SPTBN1: variants seen among roughly 807,000 people sequenced by gnomAD.
The protein encoded by SPTBN1 is spectrin beta, non-erythrocytic 1, also known as spectrin beta chain, non-erythrocytic 1.
In SPTBN1, 32 loss-of-function variants were observed where a neutral mutation model predicts 266.4. The observed-to-expected ratio is 0.12, with a 90% confidence interval of 0.09 to 0.16. The LOEUF is 0.16. SPTBN1 is among the 10% of genes least tolerant of loss of function. The pLI is 1.00. For missense variants in SPTBN1, 2,296 were observed against 3,067.1 expected (o/e 0.75, Z 5.94); for synonymous variants, 1,336 against 1,162.2 (o/e 1.15, Z -3.04).
At chr2:54,522,697 G>GAGAAAGAGAA (rs1553439439) in intron 1 of SPTBN1, among the ~76,000 whole-genome samples, 12 of 97,322 alleles carry the variant, frequency 1.2e-4, no homozygotes, top group East Asian at 2.8e-4. Context: ...GAGAGAGAGA[G>GAGAAAGAGAA]AGAAAGAAAG....
At chr2:54,641,952 G>A (rs1042763447) in intron 18 of SPTBN1, among the ~76,000 whole-genome samples, 1 of 152,206 alleles carries the variant, frequency 6.6e-6, no homozygotes, top group Non-Finnish European at 1.5e-5. Flanking sequence ...GTGCCAATTT[G>A]TTGTGACAAT....
chr2:54,467,095 A>G (rs1322177267), intron 1 of SPTBN1, among the ~76,000 whole-genome samples: 2 of 151,838 alleles, frequency 1.3e-5, no homozygotes, highest in Non-Finnish European at 2.9e-5. Context: ...GTTTCCCTAC[A>G]GTACTCTTGG....
intron 3 of SPTBN1, among the ~76,000 whole-genome samples, chr2:54,606,562 A>G (rs1423763618): frequency 6.6e-6 from 1 of 152,186 alleles, no homozygotes; most frequent in Admixed American, 6.5e-5. Flanking sequence ...CTCAAATTTG[A>G]ACAGTTTTGA....
intron 1 of SPTBN1, among the ~76,000 whole-genome samples, chr2:54,501,242 A>G (rs1055330563): frequency 2.0e-5 from 3 of 152,082 alleles, no homozygotes; most frequent in Admixed American, 6.5e-5. Context: ...CTTATCCCAC[A>G]TGAGCTACCA....
chr2:54,660,016 A>C lies in SPTBN1; in HGVS notation c.6420+17A>C, dbSNP rs749540389. ...TCTCCACGGGTTAGTTACCGCTCTCAAACCTACCAAAACTACAAAAACTTT... is the reference window on the plus strand; with the variant it reads ...TCTCCACGGGTTAGTTACCGCTCTCCAACCTACCAAAACTACAAAAACTTT... On this transcript the variant is annotated intron_variant, in intron 32 of 35. Coordinates refer to ENST00000356805, the MANE Select transcript of SPTBN1 (RefSeq NM_003128.3). The C allele has an allele frequency of 2.0e-5, 32 of 1,614,114 alleles. No homozygotes were observed. Among genetic ancestry groups the C allele is most frequent in the African/African-American group, 4.0e-5 (3 of 74,932 alleles).
intron 20 of SPTBN1, 54 bp downstream of exon 20, chr2:54,644,640 T>C: frequency 6.5e-7 from 1 of 1,537,656 alleles, no homozygotes; most frequent in South Asian, 1.3e-5. Context: ...ACAGCCATAG[T>C]CCTTAGAGTC....
chr2:54,459,781 T>C (rs755295723), intron 1 of SPTBN1, among the ~76,000 whole-genome samples: 21 of 152,196 alleles, frequency 1.4e-4, no homozygotes, highest in Non-Finnish European at 2.5e-4. Flanking sequence ...GAGTGAACTT[T>C]GTAGGTCTGT....
chr2:54,486,096 TG>T (rs767941061), intron 1 of SPTBN1, among the ~76,000 whole-genome samples: 2,184 of 126,060 alleles, frequency 0.017, 21 homozygotes, highest in Non-Finnish European at 0.026. Flanking sequence ...GGGAGGGAGG[TG>T]GGGGGGTCAG....
chr2:54,605,891 A>G (rs1344875166), intron 3 of SPTBN1, among the ~76,000 whole-genome samples: 1 of 152,140 alleles, frequency 6.6e-6, no homozygotes, highest in African/African-American at 2.4e-5. Context: ...CCCTTAGTTC[A>G]TCTGGCACAG....
chr2:54,664,602 C>A lies in SPTBN1; in HGVS notation c.6570C>A (p.Ala2190=). 1 of 1,614,188 alleles carries A rather than the reference C, an allele frequency of 6.2e-7. No individual in the cohort carries two copies. Among genetic ancestry groups the A allele is most frequent in the Non-Finnish European group, 8.5e-7 (1 of 1,180,042 alleles). Residue 2190 remains alanine (A), a synonymous_variant, in exon 33 of 36, where the codon GCC becomes GCA. Coordinates refer to ENST00000356805, the MANE Select transcript of SPTBN1 (RefSeq NM_003128.3). The surrounding 1 kb of genome is among the most constrained non-coding windows in gnomAD (Gnocchi z 5.6). ...LPAQSAATLP[A]RTQETPSAQM... Reference sequence around the variant, plus strand: ...CCCAGAGTGCCGCCACCTTACCAGCCAGAACCCAGGAGACACCTTCGGCCC... The same window carrying A: ...CCCAGAGTGCCGCCACCTTACCAGCAAGAACCCAGGAGACACCTTCGGCCC...
At chr2:54,475,066 C>T (rs1054328914) in intron 1 of SPTBN1, among the ~76,000 whole-genome samples, 3 of 152,000 alleles carry the variant, frequency 2.0e-5, no homozygotes, top group South Asian at 4.2e-4. Flanking sequence ...ATTAGCCGGG[C>T]GTGGTGGCAC....
intron 5 of SPTBN1, among the ~76,000 whole-genome samples, chr2:54,617,097 T>C (rs1016019147): frequency 1.3e-5 from 2 of 152,240 alleles, no homozygotes; most frequent in East Asian, 1.9e-4. Flanking sequence ...TGATTCATTA[T>C]GGGTAAGTTT....
chr2:54,600,884 ACTGTTCAC>A (rs1252669627), intron 3 of SPTBN1, among the ~76,000 whole-genome samples: 1 of 151,634 alleles, frequency 6.6e-6, no homozygotes, highest in Non-Finnish European at 1.5e-5. Flanking sequence ...TAGGGAGTAA[ACTGTTCAC>A]CTTTAAAGAC....
chr2:54,631,248 C>T lies in SPTBN1; in HGVS notation c.3201C>T (p.Phe1067=), dbSNP rs1311588595. 3.7e-6 allele frequency: 6 copies of T among 1,614,172 alleles called. No individual in the cohort carries two copies. Among genetic ancestry groups the T allele is most frequent in the Non-Finnish European group, 5.1e-6 (6 of 1,180,012 alleles). ...SLGEASKLQQ[F]LRDLDDFQSW... is the part of the protein sequence containing the mutation. ...GAGAGGCCAGCAAGCTGCAGCAGTT[C>T]CTACGGGACTTGGACGACTTCCAGT... is the stretch of plus-strand genomic sequence containing the variant. Residue 1067 remains phenylalanine, a synonymous_variant, in exon 16 of 36, where the codon TTC becomes TTT. Coordinates refer to ENST00000356805, the MANE Select transcript of SPTBN1 (RefSeq NM_003128.3).
intron 1 of SPTBN1, among the ~76,000 whole-genome samples, chr2:54,518,166 C>G (rs1253747023): frequency 6.6e-6 from 1 of 151,934 alleles, no homozygotes; most frequent in African/African-American, 2.4e-5. Flanking sequence ...GGCACTAGCC[C>G]CATGTACCTG....
intron 2 of SPTBN1, chr2:54,529,353 C>A: frequency 1.7e-6 from 1 of 605,346 alleles, no homozygotes; most frequent in Non-Finnish European, 3.0e-6. Flanking sequence ...AAGATGGCAC[C>A]GAAAGTGAAG....
At chr2:54,482,895 T>C (rs1668171672) in intron 1 of SPTBN1, among the ~76,000 whole-genome samples, 1 of 152,166 alleles carries the variant, frequency 6.6e-6, no homozygotes, top group Non-Finnish European at 1.5e-5. Flanking sequence ...GCAGCCTTTT[T>C]CTCAATGGTC....
Position 54,631,741 on chromosome 2 carries a change from T to G in SPTBN1, c.3564+130T>G, listed in dbSNP as rs1291716743. On this transcript the variant is annotated intron_variant, in intron 16 of 35. Transcript: ENST00000356805. ...TTATATGGATAATTTAGAGACTGATTTTTTTTTCCCCATACTCTTAAGGCA... is the reference window on the plus strand; with the variant it reads ...TTATATGGATAATTTAGAGACTGATGTTTTTTTCCCCATACTCTTAAGGCA... 17 of 1,251,186 alleles carry G rather than the reference T, an allele frequency of 1.4e-5. No homozygotes were observed. In the South Asian group the frequency reaches 1.8e-4, roughly 13 times the overall value. 77.5% of individuals were successfully genotyped at this position (1,251,186 alleles called of 1,614,324 possible).
chr2:54,485,832 T>C (rs1339980383), intron 1 of SPTBN1, among the ~76,000 whole-genome samples: 1 of 149,408 alleles, frequency 6.7e-6, no homozygotes, highest in Non-Finnish European at 1.5e-5. Flanking sequence ...GGGGAGCGCC[T>C]CTGCCCCGCC....
Sources: allele counts gnomAD v4.1 joint callset (sites outside exome capture counted in the v4.1 genomes callset), GRCh38; gene constraint gnomAD v4.1.1; non-coding constraint Gnocchi (gnomAD v3.1); transcripts MANE v1.5; gene names NCBI Gene and HGNC (gene_info 2026-07-23, HGNC 2026-07-21).